Variants in SCN3B observed in about 807,000 individuals in gnomAD.
SCN3B encodes the protein sodium channel regulatory subunit beta-3.
SCN3B carries 11 observed loss-of-function variants against 25.4 expected under a neutral mutation model. The ratio of observed to expected loss-of-function variants is 0.43; its 90% CI spans 0.27 to 0.72. SCN3B has a LOEUF of 0.72. SCN3B is among the 30% of genes least tolerant of loss of function. The probability of loss-of-function intolerance (pLI) is 0.18; values close to 1 mark genes in which losing one functional copy is unlikely to be tolerated. For synonymous variants in SCN3B, 109 were observed against 110.7 expected (o/e 0.99, Z 0.09); for missense variants, 218 against 278.3 (o/e 0.78, Z 1.54).
intron 5 of SCN3B, among the ~76,000 whole-genome samples, chr11:123,635,865 T>C (rs929951191): frequency 6.6e-6 from 1 of 152,320 alleles, no homozygotes; most frequent in Admixed American, 6.5e-5. Context: ...GACAGGGACC[T>C]ATGGCGCCTG....
Position 123,630,710 on chromosome 11 carries a change from G to A in SCN3B, c.*3089C>T, listed in dbSNP as rs1398762293. The A allele has an allele frequency of 6.6e-6, 1 of 152,196 alleles. No individual in the cohort carries two copies. Among genetic ancestry groups the A allele is most frequent in the East Asian group, 1.9e-4 (1 of 5,204 alleles). The allele number at this position is 152,196 out of a possible 1,614,324, so 9.4% of individuals were successfully genotyped here. ...TAATGATGTACAAACCAACTAGAAAGAGAACCAAAATAGGACTGACTCTCA... is the reference window on the plus strand; with the variant it reads ...TAATGATGTACAAACCAACTAGAAAAAGAACCAAAATAGGACTGACTCTCA... On this transcript the variant is annotated 3_prime_UTR_variant, in exon 7 of 7. Transcript: ENST00000299333.
In SCN3B at chr11:123,653,713, C is replaced by T. The variant is rs762723608; in HGVS notation, c.55+34G>A. 2.5e-6 allele frequency: 4 copies of T among 1,611,000 alleles called. No homozygotes were observed. The South Asian group carries it at 4.4e-5, about 18-fold the overall frequency. On this transcript the variant is annotated intron_variant, in intron 2 of 6. Transcript: ENST00000299333. ...ATTATTGTTAGCATTGTTACTGTTA[C>T]CTGCATCCGGCATGGCGAGGTGCTG...
intron 5 of SCN3B, among the ~76,000 whole-genome samples, chr11:123,636,545 A>G (rs1955726896): frequency 6.6e-6 from 1 of 152,086 alleles, no homozygotes; most frequent in Non-Finnish European, 1.5e-5. Context: ...AGTAGCTGCC[A>G]TTTATCACTT....
intron 3 of SCN3B, among the ~76,000 whole-genome samples, chr11:123,644,800 A>AGAGAGAGAGAGAGAGAGAATATATAT (rs1272015067): frequency 2.2e-5 from 1 of 45,586 alleles, no homozygotes; most frequent in African/African-American, 7.8e-5. Flanking sequence ...AGAGAGAGAG[A>AGAGAGAGAGAGAGAGAGAATATATAT]ATATATATAT....
intron 4 of SCN3B, among the ~76,000 whole-genome samples, chr11:123,641,316 C>A (rs1023094047): frequency 2.0e-5 from 3 of 152,168 alleles, no homozygotes; most frequent in Admixed American, 2.0e-4. Flanking sequence ...CCTGAGAGTC[C>A]CTCTGCACTT....
rs1180512043 is a variant in SCN3B, at chr11:123,631,413, A to T, written c.*2386T>A. 2 of 152,224 alleles carry T rather than the reference A, an allele frequency of 1.3e-5. No homozygotes were observed. The highest frequency in any genetic ancestry group is 2.9e-5 in the Non-Finnish European group (2 of 68,036). The allele number at this position is 152,224 out of a possible 1,614,324, so 9.4% of individuals were successfully genotyped here. A position where few individuals can be genotyped will look rare whatever the true frequency, so the allele number is the denominator to read the frequency against. ...GGCCAATTTTTCTAACTATAAAGTT[A>T]AAAAGGTCTATATCCTCTCCCTTAT... is the stretch of plus-strand genomic sequence containing the variant. On this transcript the variant is annotated 3_prime_UTR_variant, in exon 7 of 7. Coordinates refer to ENST00000299333, the MANE Select transcript of SCN3B (RefSeq NM_001040151.2).
intron 2 of SCN3B, among the ~76,000 whole-genome samples, chr11:123,653,418 A>T (rs1427027833): frequency 6.6e-6 from 1 of 151,872 alleles, no homozygotes; most frequent in Non-Finnish European, 1.5e-5. Flanking sequence ...AAATGTAACC[A>T]CACAGGAGGT....
chr11:123,641,549 T>G (rs942278459), intron 4 of SCN3B, among the ~76,000 whole-genome samples: 13 of 152,142 alleles, frequency 8.5e-5, no homozygotes, highest in African/African-American at 2.2e-4. Flanking sequence ...TGCCCCACAC[T>G]TTGGCCTGCT....
At position 123,629,424 on chromosome 11, in the gene SCN3B, C is replaced by T. The variant is rs1381335276; in HGVS notation, c.*4375G>A. On this transcript the variant is annotated 3_prime_UTR_variant, in exon 7 of 7. Coordinates refer to ENST00000299333, the MANE Select transcript of SCN3B (RefSeq NM_001040151.2). ...CGTGACGCAGGGAGGAAGCACAGAG[C>T]ATTGCTGGCTCTGAGGGTCAGCTGG... 1 of 152,242 alleles carries T rather than the reference C, an allele frequency of 6.6e-6. No homozygotes were observed. The highest frequency in any genetic ancestry group is 1.5e-5 in the Non-Finnish European group (1 of 68,072). The allele number at this position is 152,242 out of a possible 1,614,324, so 9.4% of individuals were successfully genotyped here.
At chr11:123,640,710 A>T (rs1191500041) in intron 4 of SCN3B, 2 of 152,204 alleles carry the variant, frequency 1.3e-5, no homozygotes, top group Admixed American at 1.3e-4. Flanking sequence ...GAGGGGCACC[A>T]GAGCTACACC....
intron 3 of SCN3B, among the ~76,000 whole-genome samples, chr11:123,644,803 ATATATATATATATAT>A (rs1473100103): frequency 1.7e-4 from 4 of 23,878 alleles, no homozygotes; most frequent in African/African-American, 8.1e-4. Flanking sequence ...GAGAGAGAAT[ATATATATATATATAT>A]ATATATATAT....
intron 2 of SCN3B, among the ~76,000 whole-genome samples, chr11:123,650,364 G>A (rs1326512721): frequency 6.6e-6 from 1 of 152,096 alleles, no homozygotes; most frequent in South Asian, 2.1e-4. Context: ...CCTTTGCACT[G>A]AGATAATGAA....
Position 123,645,447 on chromosome 11 carries a change from G to C in SCN3B, c.219+140C>G, listed in dbSNP as rs995164931. On this transcript the variant is annotated intron_variant, in intron 3 of 6. Coordinates refer to ENST00000299333, the MANE Select transcript of SCN3B (RefSeq NM_001040151.2). ...AGCTGGGGCTTCACTAAGGCTGTCAGTTATCTGCTGAGGATCTGTCAGTGT... is the reference window on the plus strand; with the variant it reads ...AGCTGGGGCTTCACTAAGGCTGTCACTTATCTGCTGAGGATCTGTCAGTGT... The C allele has an allele frequency of 2.1e-5, 20 of 942,796 alleles. No individual in the cohort carries two copies. The African/African-American group carries it at 3.1e-4, about 14-fold the overall frequency. 58.4% of individuals were successfully genotyped at this position (942,796 alleles called of 1,614,324 possible).
chr11:123,644,318 C>T (rs1203809014), intron 3 of SCN3B, among the ~76,000 whole-genome samples: 1 of 152,154 alleles, frequency 6.6e-6, no homozygotes. Context: ...TTTATATCCC[C>T]ACTTTAAAAA....
rs587777555 is a variant in SCN3B, at chr11:123,645,645, A to C, written c.161T>G (p.Val54Gly). ...CCATTCCACCACCGTGGTGGCCTCC[A>C]CCTCCTCTCTCTTCATGCAGGAGAT... ...RCISCMKREE[V>G]EATTVVEWFY... Residue 54 changes from valine (V) to glycine (G), a missense_variant, in exon 3 of 7, where the codon GTG (valine) becomes GGG (glycine). Coordinates refer to ENST00000299333, the MANE Select transcript of SCN3B (RefSeq NM_001040151.2). 8.3e-5 allele frequency: 134 copies of C among 1,613,752 alleles called. No individual in the cohort carries two copies. The highest frequency in any genetic ancestry group is 1.1e-4 in the Non-Finnish European group (129 of 1,179,976).
In SCN3B at chr11:123,645,685, T is replaced by C. The variant is rs1164385443; in HGVS notation, c.121A>G (p.Met41Val). 2.5e-6 allele frequency: 4 copies of C among 1,614,026 alleles called. No homozygotes were observed. Among genetic ancestry groups the C allele is most frequent in the South Asian group, 1.1e-5 (1 of 91,084 alleles). The change falls in exon 3 of 7, where the codon ATG becomes GTG. Residue 41 changes from methionine (M) to valine (V), a missense_variant. Physicochemically the swap from Met to Val is conservative, Grantham distance 21 (BLOSUM62 1). Transcript: ENST00000299333. The part of the protein sequence containing the change: ...SETEAVQGNP[M>V]KLRCISCMKR... Reference sequence around the variant, plus strand: ...ATGCAGGAGATGCAGCGCAGCTTCATGGGGTTGCCCTGCACGGCCTCCGTC... The same window carrying C: ...ATGCAGGAGATGCAGCGCAGCTTCACGGGGTTGCCCTGCACGGCCTCCGTC...
rs1184474647 is a variant in SCN3B at position 123,631,432 on chromosome 11, C to T, written c.*2367G>A. The T allele has an allele frequency of 6.6e-6, 1 of 152,176 alleles. No homozygotes were observed. The highest frequency in any genetic ancestry group is 1.9e-4 in the East Asian group (1 of 5,204). The allele number at this position is 152,176 out of a possible 1,614,324, so 9.4% of individuals were successfully genotyped here. ...AAAGTTAAAAAGGTCTATATCCTCT[C>T]CCTTATTTCAGAGGGATTGTGTGGA... On this transcript the variant is annotated 3_prime_UTR_variant, in exon 7 of 7. Transcript: ENST00000299333.
intron 2 of SCN3B, among the ~76,000 whole-genome samples, chr11:123,650,546 GA>G (rs1490964135): frequency 2.6e-5 from 4 of 152,178 alleles, no homozygotes; most frequent in Non-Finnish European, 5.9e-5. Flanking sequence ...AGGGCAACTA[GA>G]AGGGCAGGCC....
chr11:123,654,051 G>A, intron 1 of SCN3B, 175 bp downstream of exon 1: 1 of 570,724 alleles, frequency 1.8e-6, no homozygotes, highest in East Asian at 2.9e-5. Context: ...GCCGCTCCGC[G>A]CCCGCTCTCG....
Sources: allele counts gnomAD v4.1 joint callset (sites outside exome capture counted in the v4.1 genomes callset), GRCh38; gene constraint gnomAD v4.1.1; transcripts MANE v1.5; gene names NCBI Gene and HGNC (gene_info 2026-07-23, HGNC 2026-07-21).